The following RNF144A variants were observed in gnomAD, a reference collection of about 807,000 sequenced individuals.
The protein encoded by RNF144A is ring finger protein 144A, also known as E3 ubiquitin-protein ligase RNF144A.
RNF144A carries 11 observed loss-of-function variants against 38.7 expected under a neutral mutation model. That is an observed-to-expected ratio of 0.28 (90% CI 0.18 to 0.47). RNF144A has a LOEUF of 0.47. Among genes scored for constraint, RNF144A ranks in the 20% least tolerant of loss-of-function variants. RNF144A has a pLI of 0.99. For synonymous variants in RNF144A, 149 were observed against 143.9 expected, an observed-to-expected ratio of 1.04 and a Z score of -0.25; for missense variants, 316 against 377.2, an observed-to-expected ratio of 0.84 and a Z score of 1.34.
chr2:6,960,700 G>T (rs970425552), intron 2 of RNF144A, among the ~76,000 whole-genome samples: 1 of 152,142 alleles, frequency 6.6e-6, no homozygotes, highest in African/African-American at 2.4e-5. Flanking sequence ...AAATCTCAAG[G>T]CGCTTCCACA....
chr2:6,988,196 G>A (rs1669076271), intron 2 of RNF144A, among the ~76,000 whole-genome samples: 1 of 152,182 alleles, frequency 6.6e-6, no homozygotes, highest in Non-Finnish European at 1.5e-5. Context: ...AATGACGCAG[G>A]TAGTACAGAG....
At chr2:7,007,927 C>G (rs1043653496) in intron 3 of RNF144A, among the ~76,000 whole-genome samples, 4 of 152,236 alleles carry the variant, frequency 2.6e-5, no homozygotes, top group African/African-American at 9.6e-5. Context: ...AAGGAACATG[C>G]ATTCTCTCAG....
In RNF144A at chr2:6,978,630, G is replaced by A. The variant is rs1257642696; in HGVS notation, c.-11-18286G>A. ...GACATCTCTGTTTCCTTCCAGGAAA[G>A]GTTGCATCAGTTTATGTGATCATGT... On this transcript the variant is annotated intron_variant, in intron 2 of 8. Coordinates refer to ENST00000320892, the MANE Select transcript of RNF144A (RefSeq NM_014746.6). 2.6e-5 allele frequency: 4 copies of A among 152,626 alleles called. No homozygotes were observed. The South Asian group carries it at 8.3e-4, about 32-fold the overall frequency. 9.5% of individuals were successfully genotyped at this position (152,626 alleles called of 1,614,324 possible).
intron 2 of RNF144A, among the ~76,000 whole-genome samples, chr2:6,967,454 G>C (rs1321125438): frequency 1.3e-5 from 2 of 152,168 alleles, no homozygotes; most frequent in Admixed American, 6.5e-5. Context: ...CCCCACCCTT[G>C]CCCCTTTCTG....
downstream of RNF144A, among the ~76,000 whole-genome samples, chr2:7,070,902 A>G (rs1211545608): frequency 6.8e-6 from 1 of 147,522 alleles, no homozygotes; most frequent in Non-Finnish European, 1.5e-5. Context: ...GTGCCAATAC[A>G]TTTCTATTGT....
intron 2 of RNF144A, among the ~76,000 whole-genome samples, chr2:6,955,485 C>A (rs1666945394): frequency 6.6e-6 from 1 of 152,174 alleles, no homozygotes; most frequent in South Asian, 2.1e-4. Context: ...CGAGTCAATT[C>A]TTCTCAGCCC....
chr2:6,918,512 C>T (rs1664294253), intron 1 of RNF144A: 1 of 152,004 alleles, frequency 6.6e-6, no homozygotes, highest in African/African-American at 2.4e-5. Context: ...CGCGGTGGCT[C>T]ACGCCTGTAA....
rs536391689 is a variant in RNF144A, at chr2:7,000,860, T to TTA, written c.135+3814_135+3815dup. ...CATATATTTTATATATATATTGCGT[T>TTA]TATATATATATATATAATTTTTTTT... On this transcript the variant is annotated intron_variant, in intron 3 of 8. Coordinates refer to ENST00000320892, the MANE Select transcript of RNF144A (RefSeq NM_014746.6). 4.3e-3 allele frequency among the ~76,000 whole-genome samples: 638 copies of TTA among 149,518 alleles called. 4 individuals are homozygous for TTA. Among genetic ancestry groups the TTA allele is most frequent in the East Asian group, 0.022 (111 of 5,154 alleles).
In RNF144A at chr2:6,944,752, C is replaced by T. The variant is rs181524601; in HGVS notation, c.-12+3605C>T. ...AATTTTGTGTTCTCTCTGTTGGCCA[C>T]GCCCACCTCCCAGGACGCTGTGTTT... On this transcript the variant is annotated intron_variant, in intron 2 of 8. Transcript: ENST00000320892. The surrounding 1 kb of genome is among the most constrained non-coding windows in gnomAD (Gnocchi z 4.7). 3.5e-4 allele frequency among the ~76,000 whole-genome samples: 53 copies of T among 152,256 alleles called. No homozygotes were observed. The highest frequency in any genetic ancestry group is 1.0e-3 in the African/African-American group (42 of 41,544).
intron 6 of RNF144A, among the ~76,000 whole-genome samples, chr2:7,056,246 C>T (rs755410080): frequency 3.3e-5 from 5 of 152,156 alleles, no homozygotes; most frequent in South Asian, 2.1e-4. Context: ...TGGTCTCCTT[C>T]GAAGGTCTCT....
chr2:6,918,227 C>G (rs1664269273), intron 1 of RNF144A: 1 of 152,576 alleles, frequency 6.6e-6, no homozygotes, highest in South Asian at 2.1e-4. Context: ...ACCGCGAGCC[C>G]TTTCCCGGGG....
At chr2:6,990,517 CATATT>C (rs1305994703) in intron 2 of RNF144A, among the ~76,000 whole-genome samples, 10 of 132,002 alleles carry the variant, frequency 7.6e-5, no homozygotes, top group Admixed American at 5.7e-4. Context: ...TATGATATAA[CATATT>C]ATATATATTG....
intron 2 of RNF144A, among the ~76,000 whole-genome samples, chr2:6,947,980 G>T (rs953063176): frequency 6.6e-6 from 1 of 152,188 alleles, no homozygotes; most frequent in African/African-American, 2.4e-5. Flanking sequence ...TGTTAGCTAC[G>T]GGCTAAGAAC....
chr2:7,058,324 T>C (rs554908879), intron 6 of RNF144A, among the ~76,000 whole-genome samples: 4 of 140,682 alleles, frequency 2.8e-5, no homozygotes, highest in South Asian at 4.4e-4. Context: ...CCACAGGAAG[T>C]GTATGGGGGA....
At chr2:6,978,154 G>A (rs1282474691) in intron 2 of RNF144A, among the ~76,000 whole-genome samples, 6 of 152,148 alleles carry the variant, frequency 3.9e-5, no homozygotes, top group Admixed American at 3.9e-4. Flanking sequence ...TAGCTCTGGA[G>A]GACGTGGACT....
At chr2:7,065,377 C>T (rs776150714) in intron 6 of RNF144A, among the ~76,000 whole-genome samples, 4 of 152,044 alleles carry the variant, frequency 2.6e-5, no homozygotes, top group East Asian at 1.9e-4. Context: ...TTGACCATGG[C>T]GGATAGGGAG....
At chr2:7,016,181 A>G (rs1671127560) in intron 5 of RNF144A, among the ~76,000 whole-genome samples, 1 of 151,814 alleles carries the variant, frequency 6.6e-6, no homozygotes, top group Non-Finnish European at 1.5e-5. Flanking sequence ...AGCATTTTTC[A>G]TGGCATTGAC....
chr2:6,948,486 G>T (rs190158881), intron 2 of RNF144A, among the ~76,000 whole-genome samples: 26 of 152,318 alleles, frequency 1.7e-4, no homozygotes, highest in African/African-American at 6.3e-4. Context: ...GAGCTGTGGT[G>T]CTTCCCATCA....
intron 6 of RNF144A, among the ~76,000 whole-genome samples, chr2:7,054,261 G>A (rs189564076): frequency 1.1e-4 from 17 of 152,318 alleles, no homozygotes; most frequent in Middle Eastern, 3.4e-3. Context: ...GCCTGCCTAC[G>A]GCCCCGCAAG....
Sources: allele counts gnomAD v4.1 joint callset (sites outside exome capture counted in the v4.1 genomes callset), GRCh38; gene constraint gnomAD v4.1.1; non-coding constraint Gnocchi (gnomAD v3.1); transcripts MANE v1.5; gene names NCBI Gene and HGNC (gene_info 2026-07-23, HGNC 2026-07-21).